Variants in FAT1 observed in about 807,000 individuals in gnomAD.
FAT1 encodes FAT atypical cadherin 1, also known as protocadherin Fat 1.
FAT1 carries 171 observed loss-of-function variants against 329.8 expected under a neutral mutation model. The ratio of observed to expected loss-of-function variants is 0.52; its 90% CI spans 0.46 to 0.59. The LOEUF is 0.59. FAT1 is among the 20% of genes least tolerant of loss of function. FAT1 has a pLI of 0.00. For missense variants in FAT1, 5,672 were observed against 5,774.4 expected (o/e 0.98, Z 0.57); for synonymous variants, 2,233 against 2,228.6 (o/e 1.00, Z -0.06).
chr4:186,686,238 A>AAC (rs1743454836), intron 2 of FAT1, among the ~76,000 whole-genome samples: 1 of 140,030 alleles, frequency 7.1e-6, no homozygotes, highest in Admixed American at 7.3e-5. Flanking sequence ...GAGAATTTTC[A>AAC]CCCCCCCCCG....
Position 186,596,957 on chromosome 4 carries a change from G to C in FAT1, c.12583C>G (p.Leu4195Val), listed in dbSNP as rs1173533251. The C allele has an allele frequency of 2.5e-6, 4 of 1,613,906 alleles. No homozygotes were observed. Among genetic ancestry groups the C allele is most frequent in the Non-Finnish European group, 3.4e-6 (4 of 1,179,910 alleles). ...IVVFVAGIFL[L>V]VVVFVLCRKM... ...CGGCAGAGAACAAACACCACCACCA[G>C]TAAAAATATCCCTGCAACAAACACA... The change falls in exon 25 of 27, where the codon CTG becomes GTG. Residue 4195 changes from leucine (L) to valine (V), a missense_variant. Leu to Val is a conservative substitution (Grantham distance 32, BLOSUM62 1). Around this residue, in one of 2 missense-constraint regions of FAT1, gnomAD observed 1,706 missense variants for 1,859.1 expected, o/e 0.92. Coordinates refer to ENST00000441802, the MANE Select transcript of FAT1 (RefSeq NM_005245.4). This position sits in a 1 kb window ranked among gnomAD's most constrained non-coding sequence, Gnocchi z 4.7.
intron 12 of FAT1, among the ~76,000 whole-genome samples, chr4:186,613,755 AC>A (rs1316476582): frequency 2.0e-5 from 3 of 152,246 alleles, no homozygotes; most frequent in Non-Finnish European, 4.4e-5. Flanking sequence ...CAAAAGGAAA[AC>A]AACTCTATTT....
In FAT1 at chr4:186,588,356, C is replaced by G. The variant is rs1213602086; in HGVS notation, c.*236G>C. The stretch of plus-strand genomic sequence containing the variant: ...GATTTTTCGTTTGATTATTTTAACA[C>G]AGACAGATGTAAATCCCAAAAGACG... On this transcript the variant is annotated 3_prime_UTR_variant, in exon 27 of 27. Coordinates refer to ENST00000441802, the MANE Select transcript of FAT1 (RefSeq NM_005245.4). 2.0e-6 allele frequency: 1 copy of G among 509,022 alleles called. No individual in the cohort carries two copies. Among genetic ancestry groups the G allele is most frequent in the African/African-American group, 1.9e-5 (1 of 52,858 alleles). The allele number at this position is 509,022 out of a possible 1,614,324, so 31.5% of individuals were successfully genotyped here.
intron 4 of FAT1, among the ~76,000 whole-genome samples, chr4:186,638,644 C>CAT (rs1491059763): frequency 1.0e-5 from 1 of 96,392 alleles, no homozygotes; most frequent in Non-Finnish European, 2.8e-5. Context: ...CACACACACA[C>CAT]ATACACTGCA....
intron 22 of FAT1, 41 bp from the exon 23 acceptor site, chr4:186,598,166 T>C: frequency 6.4e-7 from 1 of 1,553,548 alleles, no homozygotes; most frequent in Non-Finnish European, 8.7e-7. Context: ...TATCACTCAA[T>C]GACTCAGAAA....
rs745430071 is a variant in FAT1, at chr4:186,619,515, C to A, written c.7071G>T (p.Thr2357=). The change falls in exon 10 of 27, where the codon ACG becomes ACT. Residue 2357 remains threonine (T), a synonymous_variant. Transcript: ENST00000441802. ...TLDYEQSRQH[T]IFVRAVDGGM... ...CACCATCAACTGCCCTCACAAAAAT[C>A]GTGTGCTGCCGGGACTGCTCGTAAT... 6.2e-7 allele frequency: 1 copy of A among 1,613,930 alleles called. No individual in the cohort carries two copies. Among genetic ancestry groups the A allele is most frequent in the East Asian group, 2.2e-5 (1 of 44,870 alleles).
chr4:186,651,818 C>G (rs529937408), intron 3 of FAT1, among the ~76,000 whole-genome samples: 1 of 152,330 alleles, frequency 6.6e-6, no homozygotes, highest in Non-Finnish European at 1.5e-5. Flanking sequence ...CAGCACCGCA[C>G]CGTCTTTACT....
chr4:186,637,158 C>G (rs535988001), intron 4 of FAT1, among the ~76,000 whole-genome samples: 1 of 152,078 alleles, frequency 6.6e-6, no homozygotes, highest in Non-Finnish European at 1.5e-5. Flanking sequence ...TGCACCCCTG[C>G]GCGCCTTCCT....
At chr4:186,686,243 C>CCG (rs1560991946) in intron 2 of FAT1, among the ~76,000 whole-genome samples, 1 of 147,690 alleles carries the variant, frequency 6.8e-6, no homozygotes, top group East Asian at 2.0e-4. Context: ...TTTTCACCCC[C>CCG]CCCCGACATT....
At chr4:186,665,589 T>C (rs965071010) in intron 2 of FAT1, among the ~76,000 whole-genome samples, 4 of 152,226 alleles carry the variant, frequency 2.6e-5, no homozygotes, top group Non-Finnish European at 4.4e-5. Context: ...TTCTGGATAT[T>C]AGCCCTTGGT....
At chr4:186,704,012 T>C (rs1425588235) in intron 2 of FAT1, among the ~76,000 whole-genome samples, 1 of 152,250 alleles carries the variant, frequency 6.6e-6, no homozygotes, top group Non-Finnish European at 1.5e-5. Context: ...CCAAAAAATG[T>C]ATCTTGTAAT....
chr4:186,674,490 A>G lies in FAT1; in HGVS notation c.3266-10877T>C, dbSNP rs187050201. Among the ~76,000 whole-genome samples, 466 of 152,278 alleles carry G rather than the reference A, an allele frequency of 3.1e-3. 3 individuals carry two copies. The highest frequency in any genetic ancestry group is 5.1e-3 in the Non-Finnish European group (346 of 68,024). On this transcript the variant is annotated intron_variant, in intron 2 of 26. Coordinates refer to ENST00000441802, the MANE Select transcript of FAT1 (RefSeq NM_005245.4). ...GATTCAACAGCCAGGTCTGACTCTC[A>G]TCAATCAATCACTGTTAGTGGAAAA...
chr4:186,704,100 T>C lies in FAT1; in HGVS notation c.3265+2463A>G, dbSNP rs902258358. On this transcript the variant is annotated intron_variant, in intron 2 of 26. Transcript: ENST00000441802. ...AAAGCATATAAACGTAAGTCTACTG[T>C]ACACTACTTACTTTCTCTGTAAAGC... is the stretch of plus-strand genomic sequence containing the variant. 6.6e-5 allele frequency among the ~76,000 whole-genome samples: 10 copies of C among 152,348 alleles called. No homozygotes were observed. The East Asian group carries it at 1.7e-3, about 26-fold the overall frequency.
At chr4:186,651,062 T>TATTATTAAATAATTTATC (rs1560966752) in intron 3 of FAT1, among the ~76,000 whole-genome samples, 3 of 34,776 alleles carry the variant, frequency 8.6e-5, no homozygotes, top group Non-Finnish European at 1.6e-4. Flanking sequence ...AATAATTTAT[T>TATTATTAAATAATTTATC]TATTATTAAT....
Position 186,636,146 on chromosome 4 carries a change from C to T in FAT1, c.4062G>A (p.Glu1354=), listed in dbSNP as rs1740805438. Residue 1354 remains glutamate (E), a synonymous_variant, in exon 6 of 27, where the codon GAG becomes GAA. Coordinates refer to ENST00000441802, the MANE Select transcript of FAT1 (RefSeq NM_005245.4). ...AAAATGATTCTTCAAATGAAATGGG[C>T]TCCAGGGACGGTTTGGGCTTGGAGA... ...EWISKPKPSL[E]PISFEESFFT... 6.2e-7 allele frequency: 1 copy of T among 1,613,962 alleles called. No homozygotes were observed. Among genetic ancestry groups the T allele is most frequent in the Non-Finnish European group, 8.5e-7 (1 of 1,179,878 alleles).
In FAT1 at chr4:186,708,563, A is replaced by G. The variant is rs1187060621; in HGVS notation, c.1265T>C (p.Ile422Thr). 6.2e-7 allele frequency: 1 copy of G among 1,613,894 alleles called. No homozygotes were observed. The highest frequency in any genetic ancestry group is 8.5e-7 in the Non-Finnish European group (1 of 1,179,912). Residue 422 changes from isoleucine (I) to threonine (T), a missense_variant, in exon 2 of 27, where the codon ATT (isoleucine) becomes ACT (threonine). By Grantham distance (89) the Ile-to-Thr change is moderately conservative. This residue lies in a region of FAT1 where 3,966 missense variants were observed against 3,915.2 expected (regional missense o/e 1.01). Transcript: ENST00000441802. ...CTGCTGTCTTTTAACTGGTTCTAAAATAGAAATGAGACCAGTGTTGTAATT... is the reference window on the plus strand; with the variant it reads ...CTGCTGTCTTTTAACTGGTTCTAAAGTAGAAATGAGACCAGTGTTGTAATT... ...SLNYNTGLIS[I>T]LEPVKRQQAA... is the part of the protein sequence containing the mutation.
At chr4:186,654,772 G>A (rs1243328245) in intron 3 of FAT1, among the ~76,000 whole-genome samples, 4 of 152,120 alleles carry the variant, frequency 2.6e-5, no homozygotes, top group Non-Finnish European at 4.4e-5. Context: ...CTAGCTGGTC[G>A]TGGTGGTGCA....
chr4:186,647,567 CA>C (rs1240749952), intron 3 of FAT1, among the ~76,000 whole-genome samples: 7 of 152,274 alleles, frequency 4.6e-5, no homozygotes, highest in Middle Eastern at 3.4e-3. Context: ...TTCTCTCCAC[CA>C]AGCCCAGCTC....
intron 2 of FAT1, among the ~76,000 whole-genome samples, chr4:186,674,043 C>A (rs1360656672): frequency 1.2e-4 from 18 of 152,224 alleles, no homozygotes; most frequent in Non-Finnish European, 4.4e-5. Flanking sequence ...AATGGCAATG[C>A]TTCTGGAAGT....
Sources: allele counts gnomAD v4.1 joint callset (sites outside exome capture counted in the v4.1 genomes callset), GRCh38; gene constraint gnomAD v4.1.1; regional missense constraint gnomAD v4.1.1; non-coding constraint Gnocchi (gnomAD v3.1); transcripts MANE v1.5; gene names NCBI Gene and HGNC (gene_info 2026-07-23, HGNC 2026-07-21).